The following HSPA4 variants were observed in gnomAD, a reference collection of about 807,000 sequenced individuals.
HSPA4 encodes heat shock protein family A (Hsp70) member 4, also known as heat shock 70 kDa protein 4.
Under a neutral mutation model 106.2 loss-of-function variants are expected in HSPA4, and 25 were observed. The observed-to-expected ratio is 0.24, with a 90% CI of 0.17 to 0.33. The LOEUF is 0.33. Among genes scored for constraint, HSPA4 ranks in the 10% least tolerant of loss-of-function variants. The probability of loss-of-function intolerance (pLI) is 1.00; values close to 1 mark genes in which losing one functional copy is unlikely to be tolerated. For missense variants in HSPA4, 841 were observed against 996.0 expected, an observed-to-expected ratio of 0.84 and a Z score of 2.10; for synonymous variants, 332 against 333.6, an observed-to-expected ratio of 1.00 and a Z score of 0.05.
At chr5:133,066,217 G>C (rs1178583556) in intron 2 of HSPA4, among the ~76,000 whole-genome samples, 1 of 152,170 alleles carries the variant, frequency 6.6e-6, no homozygotes, top group Non-Finnish European at 1.5e-5. Flanking sequence ...CAGAGTTTCT[G>C]TTTGGCAGCT....
chr5:133,058,315 A>G (rs1765193085), intron 1 of HSPA4, among the ~76,000 whole-genome samples: 1 of 152,124 alleles, frequency 6.6e-6, no homozygotes, highest in African/African-American at 2.4e-5. Flanking sequence ...TTAGTGATCA[A>G]GGCTGCAGTG....
chr5:133,091,929 G>T (rs1016356819), intron 12 of HSPA4, among the ~76,000 whole-genome samples: 1 of 151,876 alleles, frequency 6.6e-6, no homozygotes, highest in African/African-American at 2.4e-5. Context: ...CACACCTGTG[G>T]TCCCACCTGC....
In HSPA4 at chr5:133,085,635, G is replaced by C. The variant is rs1358842014; in HGVS notation, c.909-1147G>C. ...GGATTGCGCCACTGCACTCTAGCCT[G>C]GGCAACAAGATTGAAACTCCGTCTG... On this transcript the variant is annotated intron_variant, in intron 7 of 18. Transcript: ENST00000304858. Among the ~76,000 whole-genome samples, 6 of 152,138 alleles carry C rather than the reference G, an allele frequency of 3.9e-5. 1 individual carries two copies. In the East Asian group the frequency reaches 1.2e-3, roughly 29 times the overall value.
rs1561580269 is a variant in HSPA4, at chr5:133,076,654, G to A, written c.664G>A (p.Val222Ile). The change falls in exon 7 of 19, where the codon GTT becomes ATT. Residue 222 changes from valine (V) to isoleucine (I), a missense_variant and splice_region_variant. Around this residue, in one of 5 missense-constraint regions of HSPA4, gnomAD observed 347 missense variants for 408.7 expected, o/e 0.85. Coordinates refer to ENST00000304858, the MANE Select transcript of HSPA4 (RefSeq NM_002154.4). ...GATTAATTCTCATTTTTTCCTTAAG[G>A]TTCTGGCCACTGCATTTGACACGAC... ...VCAFNRGKLK[V>I]LATAFDTTLG... 2 of 1,611,030 alleles carry A rather than the reference G, an allele frequency of 1.2e-6. No homozygotes were observed. The highest frequency in any genetic ancestry group is 1.7e-5 in the Admixed American group (1 of 59,748).
intron 1 of HSPA4, among the ~76,000 whole-genome samples, chr5:133,059,905 G>T (rs1452729991): frequency 6.6e-6 from 1 of 152,118 alleles, no homozygotes; most frequent in Non-Finnish European, 1.5e-5. Context: ...GATGTAGACT[G>T]CAAGATTTGA....
At chr5:133,060,247 C>T (rs1207580229) in intron 1 of HSPA4, among the ~76,000 whole-genome samples, 2 of 152,032 alleles carry the variant, frequency 1.3e-5, no homozygotes, top group Non-Finnish European at 2.9e-5. Context: ...GAAGCATTGA[C>T]CTATGTTCTA....
chr5:133,099,305 G>T (rs1413802596), intron 15 of HSPA4, among the ~76,000 whole-genome samples: 2 of 151,542 alleles, frequency 1.3e-5, no homozygotes, highest in African/African-American at 4.9e-5. Flanking sequence ...AATTTTTTTT[G>T]TATTTTTAGT....
In HSPA4 at chr5:133,070,513, T is replaced by C; in HGVS notation, c.429+17T>C. 1.2e-6 allele frequency: 2 copies of C among 1,612,596 alleles called. No individual in the cohort carries two copies. Among genetic ancestry groups the C allele is most frequent in the Non-Finnish European group, 1.7e-6 (2 of 1,179,310 alleles). ...GTTGTTTCGGTGAGTTTGATCCCTA[T>C]ACATTATTGGGAATTTGCATGAAGA... On this transcript the variant is annotated intron_variant, in intron 4 of 18. Coordinates refer to ENST00000304858, the MANE Select transcript of HSPA4 (RefSeq NM_002154.4).
intron 9 of HSPA4, 120 bp from the exon 10 acceptor site, chr5:133,088,935 C>A (rs973744422): frequency 1.9e-6 from 1 of 527,184 alleles, no homozygotes; most frequent in Non-Finnish European, 3.3e-6. Context: ...CATTAAATTA[C>A]TAATATAAAT....
intron 1 of HSPA4, among the ~76,000 whole-genome samples, chr5:133,053,410 T>C (rs1320219991): frequency 2.0e-5 from 3 of 146,500 alleles, no homozygotes; most frequent in African/African-American, 2.5e-5. Context: ...GGTGCGATCT[T>C]GGTTCACTGC....
intron 1 of HSPA4, among the ~76,000 whole-genome samples, chr5:133,063,708 C>A (rs932484990): frequency 3.3e-5 from 5 of 152,240 alleles, no homozygotes; most frequent in Admixed American, 6.5e-5. Flanking sequence ...GCTGGAATTA[C>A]AGGCATGAGC....
chr5:133,059,184 G>A lies in HSPA4; in HGVS notation c.108-5796G>A, dbSNP rs907424735. Among the ~76,000 whole-genome samples, 6 of 145,820 alleles carry A rather than the reference G, an allele frequency of 4.1e-5. No homozygotes were observed. The South Asian group carries it at 8.9e-4, about 22-fold the overall frequency. ...TAAAAGAGGCTGGGTGTGGTGGCTC[G>A]TGCCTGTAATCCCAGCACTTCGGGA... On this transcript the variant is annotated intron_variant, in intron 1 of 18. Transcript: ENST00000304858.
At chr5:133,094,070 C>T (rs1012385679) in intron 13 of HSPA4, among the ~76,000 whole-genome samples, 10 of 151,998 alleles carry the variant, frequency 6.6e-5, no homozygotes, top group African/African-American at 1.7e-4. Flanking sequence ...CCAATTTGGG[C>T]GACAGAGCAA....
At chr5:133,053,411 G>A (rs933913414) in intron 1 of HSPA4, among the ~76,000 whole-genome samples, 1 of 146,486 alleles carries the variant, frequency 6.8e-6, no homozygotes, top group Non-Finnish European at 1.5e-5. Context: ...GTGCGATCTT[G>A]GTTCACTGCA....
intron 7 of HSPA4, 88 bp downstream of exon 7, chr5:133,076,986 C>A: frequency 8.5e-7 from 1 of 1,170,270 alleles, no homozygotes; most frequent in Non-Finnish European, 1.2e-6. Flanking sequence ...TTAAAATAAT[C>A]ACGGAGGTTA....
At chr5:133,077,378 T>C (rs1186982176) in intron 7 of HSPA4, among the ~76,000 whole-genome samples, 1 of 152,092 alleles carries the variant, frequency 6.6e-6, no homozygotes, top group Non-Finnish European at 1.5e-5. Flanking sequence ...GCTGGGGTTA[T>C]AGGTGCCTGC....
chr5:133,091,031 G>A (rs749107594), intron 11 of HSPA4, 162 bp from the exon 12 acceptor site: 2 of 720,920 alleles, frequency 2.8e-6, no homozygotes, highest in South Asian at 2.9e-5. Context: ...AGAGAAATCT[G>A]ATGATTTAAT....
intron 1 of HSPA4, among the ~76,000 whole-genome samples, chr5:133,061,334 G>C (rs1473355855): frequency 6.6e-6 from 1 of 151,838 alleles, no homozygotes; most frequent in Non-Finnish European, 1.5e-5. Flanking sequence ...GTGTTAGCCA[G>C]GATGGTCTCG....
intron 1 of HSPA4, among the ~76,000 whole-genome samples, chr5:133,055,371 C>T (rs999613742): frequency 5.1e-5 from 6 of 116,524 alleles, no homozygotes; most frequent in African/African-American, 1.7e-4. Context: ...ATTTGGAGCT[C>T]ATATGTAAAA....
Sources: allele counts gnomAD v4.1 joint callset (sites outside exome capture counted in the v4.1 genomes callset), GRCh38; gene constraint gnomAD v4.1.1; regional missense constraint gnomAD v4.1.1; transcripts MANE v1.5; gene names NCBI Gene and HGNC (gene_info 2026-07-23, HGNC 2026-07-21).